DOK3: variants seen among roughly 807,000 people sequenced by gnomAD.
The protein encoded by DOK3 is Dok-like protein.
Under a neutral mutation model 26.2 loss-of-function variants are expected in DOK3, and 23 were observed. The ratio of observed to expected loss-of-function variants is 0.88; its 90% CI spans 0.63 to 1.24. The LOEUF (loss-of-function observed/expected upper bound fraction) is 1.24. DOK3 is among the 50% of genes most tolerant of loss of function. The pLI, the probability that DOK3 is intolerant of heterozygous loss-of-function variation, is 0.00. For synonymous variants in DOK3, 268 were observed against 268.2 expected, an observed-to-expected ratio of 1.00 and a Z score of 0.01; for missense variants, 619 against 610.6, an observed-to-expected ratio of 1.01 and a Z score of -0.15.
At chr5:177,505,830 A>G (rs954303520) in intron 3 of DOK3, among the ~76,000 whole-genome samples, 3 of 151,940 alleles carry the variant, frequency 2.0e-5, no homozygotes, top group Non-Finnish European at 2.9e-5. Context: ...TCCGCCTCCC[A>G]GGTTCACGCC....
At position 177,503,838 on chromosome 5, in the gene DOK3, G is replaced by A; in HGVS notation, c.*145C>T. The A allele has an allele frequency of 2.1e-6, 3 of 1,434,886 alleles. No individual in the cohort carries two copies. The highest frequency in any genetic ancestry group is 2.7e-6 in the Non-Finnish European group (3 of 1,099,242). The allele number at this position is 1,434,886 out of a possible 1,614,324, so 88.9% of individuals were successfully genotyped here. A position where few individuals can be genotyped will look rare whatever the true frequency, so the allele number is the denominator to read the frequency against. ...CATGAGGAGGGCAGGGCAGGGCTGA[G>A]GTCCTCCACAGGCGGCCTGCCTTGT... On this transcript the variant is annotated 3_prime_UTR_variant, in exon 6 of 6. Coordinates refer to ENST00000510898, the MANE Select transcript of DOK3 (RefSeq NM_001308236.3).
In DOK3 at chr5:177,504,299, G is replaced by C. The variant is rs1269689961; in HGVS notation, c.1007C>G (p.Pro336Arg). 1.2e-6 allele frequency: 2 copies of C among 1,606,306 alleles called. No homozygotes were observed. Among genetic ancestry groups the C allele is most frequent in the African/African-American group, 1.3e-5 (1 of 74,812 alleles). ...ASVCKRASGP[P>R]GNEHLYENLC... is the part of the protein sequence containing the mutation. ...GTTCTCATAGAGGTGCTCATTGCCT[G>C]GGGGCCCACTGGCACGCTTGCACAC... The change falls in exon 6 of 6, where the codon CCA (proline) becomes CGA (arginine). Residue 336 changes from proline to arginine, a missense_variant. By Grantham distance (103) the Pro-to-Arg change is moderately radical. Transcript: ENST00000510898.
chr5:177,504,877 C>A lies in DOK3; in HGVS notation c.511G>T (p.Ala171Ser). Residue 171 changes from alanine to serine, a missense_variant, in exon 5 of 6, where the codon GCC becomes TCC. Coordinates refer to ENST00000510898, the MANE Select transcript of DOK3 (RefSeq NM_001308236.3). ...FPVVVQRTEA[A>S]TRCQLKGPAL... ...GGCCCCTTCAGCTGGCAGCGGGTGG[C>A]GGCCTCAGTCCTCTGCACCACCACG... is the stretch of plus-strand genomic sequence containing the variant. 1 of 1,604,220 alleles carries A rather than the reference C, an allele frequency of 6.2e-7. No homozygotes were observed.
At position 177,503,390 on chromosome 5, in the gene DOK3, T is replaced by G; in HGVS notation, c.*593A>C. On this transcript the variant is annotated 3_prime_UTR_variant, in exon 6 of 6. Transcript: ENST00000510898. ...GACTGACGCCTGGGGTTCCCAGAAG[T>G]ATCTGCAAATTGTTGGAGTTTCAGC... 6.5e-7 allele frequency: 1 copy of G among 1,534,316 alleles called. No homozygotes were observed.
chr5:177,509,328 C>T (rs1171170243), intron 2 of DOK3, 147 bp downstream of exon 2: 3 of 1,062,848 alleles, frequency 2.8e-6, no homozygotes, highest in Admixed American at 2.7e-5. Flanking sequence ...CACTCCATTC[C>T]ACTCCCCATA....
rs368411592 is a variant in DOK3 at position 177,504,311 on chromosome 5, G to A, written c.995C>T (p.Ala332Val). The change falls in exon 6 of 6, where the codon GCC becomes GTC. Residue 332 changes from alanine (A) to valine (V), a missense_variant. Ala to Val is a moderately conservative substitution (Grantham distance 64). Transcript: ENST00000510898. The part of the protein sequence containing the change: ...SGLYASVCKR[A>V]SGPPGNEHLY... ...GTGCTCATTGCCTGGGGGCCCACTG[G>A]CACGCTTGCACACTGAAGCGTAGAG... 8.7e-6 allele frequency: 14 copies of A among 1,603,980 alleles called. No individual in the cohort carries two copies. The African/African-American group carries it at 1.6e-4, about 18-fold the overall frequency.
At chr5:177,509,309 T>C (rs759470903) in intron 2 of DOK3, 166 bp downstream of exon 2, 63 of 845,476 alleles carry the variant, frequency 7.5e-5, no homozygotes, top group Non-Finnish European at 1.0e-4. Context: ...CGTCTCAGGC[T>C]GACACCCGCA....
chr5:177,507,043 G>A (rs911553254), intron 3 of DOK3, among the ~76,000 whole-genome samples: 3 of 152,088 alleles, frequency 2.0e-5, no homozygotes, highest in African/African-American at 7.2e-5. Context: ...TCTAGTTCCA[G>A]AACTTTTCCA....
chr5:177,509,266 G>C, intron 2 of DOK3: 1 of 557,728 alleles, frequency 1.8e-6, no homozygotes, highest in Non-Finnish European at 3.0e-6. Context: ...CTCTCCCGGA[G>C]GCAGGGTCTG....
At chr5:177,507,523 C>T (rs1165372244) in intron 3 of DOK3, among the ~76,000 whole-genome samples, 1 of 152,012 alleles carries the variant, frequency 6.6e-6, no homozygotes, top group Non-Finnish European at 1.5e-5. Flanking sequence ...GGCACGATTA[C>T]AGCTCACTGC....
chr5:177,505,151 C>T (rs1296773018), intron 3 of DOK3, 41 bp from the exon 4 acceptor site: 9 of 1,524,942 alleles, frequency 5.9e-6, no homozygotes, highest in Non-Finnish European at 8.0e-6. Flanking sequence ...GCACCGCACT[C>T]CCATGCCCTG....
In DOK3 at chr5:177,509,457, G is replaced by A; in HGVS notation, c.66+18C>T. The A allele has an allele frequency of 6.9e-6, 11 of 1,597,284 alleles. No homozygotes were observed. The highest frequency in any genetic ancestry group is 1.1e-5 in the South Asian group (1 of 88,608). ...ACTGTTGGTCCTTGGCAGCTGCCTG[G>A]CAGCCAGGGGTCCCCACCTTGCCAA... On this transcript the variant is annotated intron_variant, in intron 2 of 5. Transcript: ENST00000510898.
At chr5:177,509,925 C>T (rs1387151081), upstream of DOK3, 1 of 1,573,418 alleles carries the variant, frequency 6.4e-7, no homozygotes, top group Non-Finnish European at 8.6e-7. Context: ...GGCCCTGCCT[C>T]CACCCAGGAC....
At position 177,505,072 on chromosome 5, in the gene DOK3, C is replaced by A. The variant is rs1759920534; in HGVS notation, c.411G>T (p.Gln137His). Reference sequence around the variant, plus strand: ...TGGGGACCAGGCCCCTCTTGGGAGACTGGGCATCTGTGGATCCTGAGGAGG... The same window carrying A: ...TGGGGACCAGGCCCCTCTTGGGAGAATGGGCATCTGTGGATCCTGAGGAGG... Reference protein sequence around the residue: ...GEASSGSTDAQSPKRGLVPME... With the variant: ...GEASSGSTDAHSPKRGLVPME... The change falls in exon 4 of 6, where the codon CAG becomes CAT. Residue 137 changes from glutamine to histidine, a missense_variant. Physicochemically the swap from Gln to His is conservative, Grantham distance 24. Transcript: ENST00000510898. 6.2e-7 allele frequency: 1 copy of A among 1,612,132 alleles called. No homozygotes were observed. Among genetic ancestry groups the A allele is most frequent in the Admixed American group, 1.7e-5 (1 of 59,606 alleles).
chr5:177,504,886 T>C lies in DOK3; in HGVS notation c.502A>G (p.Thr168Ala). 1 of 1,598,514 alleles carries C rather than the reference T, an allele frequency of 6.3e-7. No individual in the cohort carries two copies. The highest frequency in any genetic ancestry group is 8.5e-7 in the Non-Finnish European group (1 of 1,171,162). Reference protein sequence around the residue: ...VGEFPVVVQRTEAATRCQLKG... With the variant: ...VGEFPVVVQRAEAATRCQLKG... ...AGCTGGCAGCGGGTGGCGGCCTCAG[T>C]CCTCTGCACCACCACGGGAAACTCG... Residue 168 changes from threonine (T) to alanine (A), a missense_variant, in exon 5 of 6, where the codon ACT (threonine) becomes GCT (alanine). By Grantham distance (58) the Thr-to-Ala change is moderately conservative. Coordinates refer to ENST00000510898, the MANE Select transcript of DOK3 (RefSeq NM_001308236.3).
In DOK3 at chr5:177,503,174, G is replaced by T; in HGVS notation, c.*809C>A. 2 of 1,432,782 alleles carry T rather than the reference G, an allele frequency of 1.4e-6. No individual in the cohort carries two copies. Among genetic ancestry groups the T allele is most frequent in the Non-Finnish European group, 9.2e-7 (1 of 1,091,448 alleles). 88.8% of individuals were successfully genotyped at this position (1,432,782 alleles called of 1,614,324 possible). A position where few individuals can be genotyped will look rare whatever the true frequency, so the allele number is the denominator to read the frequency against. On this transcript the variant is annotated 3_prime_UTR_variant, in exon 6 of 6. Coordinates refer to ENST00000510898, the MANE Select transcript of DOK3 (RefSeq NM_001308236.3). Reference sequence around the variant, plus strand: ...GATGGCGCCAGGAGCAGGAGCAGAGGAGGGAACGCAGCATGGAAGTCTTCA... The same window carrying T: ...GATGGCGCCAGGAGCAGGAGCAGAGTAGGGAACGCAGCATGGAAGTCTTCA...
chr5:177,505,758 T>C lies in DOK3; in HGVS notation c.373-648A>G, dbSNP rs1027633622. Among the ~76,000 whole-genome samples the C allele has an allele frequency of 6.0e-5, 9 of 151,252 alleles. No individual in the cohort carries two copies. The East Asian group carries it at 1.6e-3, about 26-fold the overall frequency. ...CCGGGTTTGTTTTTTTTCTTTAAGA[T>C]GGAGTCTCACTCTTGTCGCCCAGGC... is the stretch of plus-strand genomic sequence containing the variant. On this transcript the variant is annotated intron_variant, in intron 3 of 5. Transcript: ENST00000510898.
At position 177,504,361 on chromosome 5, in the gene DOK3, C is replaced by T. The variant is rs531951657; in HGVS notation, c.945G>A (p.Pro315=). 63 of 1,573,614 alleles carry T rather than the reference C, an allele frequency of 4.0e-5. No individual in the cohort carries two copies. Among genetic ancestry groups the T allele is most frequent in the Admixed American group, 1.1e-4 (6 of 56,096 alleles). ...GPQSLPLLLG[P]EPNDLASGLY... Reference sequence around the variant, plus strand: ...GCCCGGACGCCAGATCGTTGGGCTCCGGGCCTAGCAGTAGCGGCAGGCTCT... The same window carrying T: ...GCCCGGACGCCAGATCGTTGGGCTCTGGGCCTAGCAGTAGCGGCAGGCTCT... The change falls in exon 6 of 6, where the codon CCG becomes CCA. Residue 315 remains proline, a synonymous_variant. Coordinates refer to ENST00000510898, the MANE Select transcript of DOK3 (RefSeq NM_001308236.3).
At position 177,503,010 on chromosome 5, in the gene DOK3, G is replaced by C; in HGVS notation, c.*973C>G. ...CAGAGGATGAGGCTTGGACAGGAGA[G>C]AGCAAAAATTGTGTGTCCGTCATGA... On this transcript the variant is annotated 3_prime_UTR_variant, in exon 6 of 6. Transcript: ENST00000510898. 2 of 1,486,348 alleles carry C rather than the reference G, an allele frequency of 1.3e-6. No homozygotes were observed. Among genetic ancestry groups the C allele is most frequent in the East Asian group, 2.5e-5 (1 of 40,258 alleles). 92.1% of individuals were successfully genotyped at this position (1,486,348 alleles called of 1,614,324 possible).
Sources: allele counts gnomAD v4.1 joint callset (sites outside exome capture counted in the v4.1 genomes callset), GRCh38; gene constraint gnomAD v4.1.1; transcripts MANE v1.5; gene names NCBI Gene and HGNC (gene_info 2026-07-23, HGNC 2026-07-21).